The following MARCHF1 variants were observed in gnomAD, a reference collection of about 807,000 sequenced individuals.
The protein encoded by MARCHF1 is E3 ubiquitin-protein ligase MARCHF1.
In MARCHF1, 40 loss-of-function variants were observed where a neutral mutation model predicts 54.2. The observed-to-expected ratio is 0.74, with a 90% confidence interval of 0.57 to 0.96. The LOEUF (loss-of-function observed/expected upper bound fraction) is 0.96, where lower values mean the gene tolerates loss of function less well. Ranked by LOEUF, MARCHF1 falls within the 40% of genes least tolerant of loss-of-function variation. The probability of loss-of-function intolerance (pLI) is 0.00; values close to 1 mark genes in which losing one functional copy is unlikely to be tolerated. For missense variants in MARCHF1, 586 were observed against 656.5 expected (o/e 0.89, Z 1.17); for synonymous variants, 236 against 236.3 (o/e 1.00, Z 0.01).
chr4:164,053,316 C>T (rs567498218), intron 2 of MARCHF1, among the ~76,000 whole-genome samples: 2 of 152,110 alleles, frequency 1.3e-5, no homozygotes, highest in East Asian at 1.9e-4. Flanking sequence ...GCATTTTTGA[C>T]CTGTAATGTT....
chr4:163,665,995 A>C (rs1489972579), intron 5 of MARCHF1, among the ~76,000 whole-genome samples: 1 of 152,152 alleles, frequency 6.6e-6, no homozygotes, highest in Non-Finnish European at 1.5e-5. Context: ...TTCATGCCAC[A>C]TGCAGACGTG....
At chr4:164,057,959 A>G (rs1335140650) in intron 2 of MARCHF1, among the ~76,000 whole-genome samples, 1 of 152,134 alleles carries the variant, frequency 6.6e-6, no homozygotes, top group Non-Finnish European at 1.5e-5. Context: ...AGCATGAGTT[A>G]ATGTCCTTTA....
At chr4:163,675,152 G>C (rs1378598161) in intron 5 of MARCHF1, among the ~76,000 whole-genome samples, 1 of 152,074 alleles carries the variant, frequency 6.6e-6, no homozygotes, top group East Asian at 1.9e-4. Context: ...GCATTCTGAG[G>C]GAAATTGCAA....
At chr4:163,770,989 AT>A (rs1162925948) in intron 4 of MARCHF1, among the ~76,000 whole-genome samples, 1 of 152,216 alleles carries the variant, frequency 6.6e-6, no homozygotes, top group Admixed American at 6.5e-5. Flanking sequence ...CTACTTACAT[AT>A]TTTTAATTAA....
chr4:164,091,947 TA>T (rs922413404), intron 2 of MARCHF1, among the ~76,000 whole-genome samples: 4 of 151,236 alleles, frequency 2.6e-5, no homozygotes, highest in East Asian at 1.9e-4. Flanking sequence ...ATAATTAGGT[TA>T]AAAAAAATGA....
chr4:164,362,208 A>G (rs1324248567), intron 1 of MARCHF1, among the ~76,000 whole-genome samples: 3 of 152,148 alleles, frequency 2.0e-5, no homozygotes, highest in Non-Finnish European at 4.4e-5. Flanking sequence ...AAACCTACAG[A>G]CATTTGTGTG....
In MARCHF1 at chr4:163,612,849, G is replaced by T; in HGVS notation, c.432C>A (p.His144Gln). 6.5e-7 allele frequency: 1 copy of T among 1,535,208 alleles called. No individual in the cohort carries two copies. The highest frequency in any genetic ancestry group is 2.0e-5 in the Admixed American group (1 of 50,924). ...EQIRGRKNDF[H>Q]LQISSPRWRE... ...TCCACCTGGGGCTTGAGATTTGAAG[G>T]TGAAAGTCATTTTTTCTCCCTCTTA... The change falls in exon 7 of 10, where the codon CAC (histidine) becomes CAA (glutamine). Residue 144 changes from histidine to glutamine, a missense_variant. This residue lies in a region of MARCHF1 where 387 missense variants were observed against 394.6 expected (regional missense o/e 0.98). Coordinates refer to ENST00000514618, the MANE Select transcript of MARCHF1 (RefSeq NM_001394959.1).
intron 5 of MARCHF1, among the ~76,000 whole-genome samples, chr4:163,664,272 G>A (rs1007487861): frequency 2.0e-5 from 3 of 152,010 alleles, no homozygotes; most frequent in African/African-American, 4.8e-5. Context: ...AGATTGCTCA[G>A]TACATTCCCA....
chr4:164,073,393 A>G (rs957651519), intron 2 of MARCHF1, among the ~76,000 whole-genome samples: 12 of 152,162 alleles, frequency 7.9e-5, no homozygotes, highest in Admixed American at 7.9e-4. Context: ...AACTAACACA[A>G]GAAGAGAAAA....
At chr4:164,057,644 G>C (rs1202152051) in intron 2 of MARCHF1, among the ~76,000 whole-genome samples, 2 of 152,134 alleles carry the variant, frequency 1.3e-5, no homozygotes, top group African/African-American at 4.8e-5. Flanking sequence ...GGGTCAAGAG[G>C]TAACTTTGAA....
chr4:164,160,242 C>T (rs1730195111), intron 1 of MARCHF1, among the ~76,000 whole-genome samples: 2 of 152,094 alleles, frequency 1.3e-5, no homozygotes, highest in Non-Finnish European at 2.9e-5. Flanking sequence ...GAATATTAGA[C>T]TGCACTTCTG....
intron 1 of MARCHF1, among the ~76,000 whole-genome samples, chr4:164,325,599 T>C (rs6856375): frequency 0.37 from 55,453 of 151,598 alleles, 11,491 homozygotes; most frequent in Non-Finnish European, 0.48. Flanking sequence ...AGATTACAAA[T>C]ACAAATAAGA....
At chr4:163,844,476 C>T (rs1028988974) in intron 4 of MARCHF1, among the ~76,000 whole-genome samples, 36 of 151,860 alleles carry the variant, frequency 2.4e-4, no homozygotes, top group African/African-American at 8.7e-4. Context: ...CTTTTTGGGA[C>T]TTAGTTATAA....
In MARCHF1 at chr4:163,527,536, C is replaced by T. The variant is rs1738160283; in HGVS notation, c.*1212G>A. 1 of 152,002 alleles carries T rather than the reference C, an allele frequency of 6.6e-6. No individual in the cohort carries two copies. The highest frequency in any genetic ancestry group is 1.5e-5 in the Non-Finnish European group (1 of 67,946). 9.4% of individuals were successfully genotyped at this position (152,002 alleles called of 1,614,324 possible). On this transcript the variant is annotated 3_prime_UTR_variant, in exon 10 of 10. Coordinates refer to ENST00000514618, the MANE Select transcript of MARCHF1 (RefSeq NM_001394959.1). ...TAGGCAGATTGATTGTTTTATCTTTCTATACTTTTGGATTTTTACCCTTTA... is the reference window on the plus strand; with the variant it reads ...TAGGCAGATTGATTGTTTTATCTTTTTATACTTTTGGATTTTTACCCTTTA...
intron 2 of MARCHF1, among the ~76,000 whole-genome samples, chr4:164,047,619 T>G (rs1004103919): frequency 6.6e-6 from 1 of 152,188 alleles, no homozygotes; most frequent in African/African-American, 2.4e-5. Context: ...GTCTTCTCAT[T>G]TTTTTGTTTT....
intron 4 of MARCHF1, among the ~76,000 whole-genome samples, chr4:163,781,735 G>A (rs1397919133): frequency 6.6e-6 from 1 of 152,064 alleles, no homozygotes; most frequent in African/African-American, 2.4e-5. Context: ...GCAGGAGTAA[G>A]GAGAAAACAC....
At chr4:163,747,164 A>G in intron 4 of MARCHF1, among the ~76,000 whole-genome samples, 1 of 152,218 alleles carries the variant, frequency 6.6e-6, no homozygotes, top group Non-Finnish European at 1.5e-5. Flanking sequence ...CCGTACTACA[A>G]AGAAAATTGT....
intron 3 of MARCHF1, among the ~76,000 whole-genome samples, chr4:163,864,091 TCA>T (rs1485192634): frequency 6.6e-6 from 1 of 151,942 alleles, no homozygotes; most frequent in African/African-American, 2.4e-5. Flanking sequence ...ATTTCTCTGC[TCA>T]AAAGTGGAGG....
intron 2 of MARCHF1, among the ~76,000 whole-genome samples, chr4:164,075,537 G>A (rs1324092275): frequency 1.3e-5 from 2 of 152,170 alleles, no homozygotes; most frequent in African/African-American, 4.8e-5. Context: ...ATCCTCACCT[G>A]ACATCAGACA....
Sources: allele counts gnomAD v4.1 joint callset (sites outside exome capture counted in the v4.1 genomes callset), GRCh38; gene constraint gnomAD v4.1.1; regional missense constraint gnomAD v4.1.1; transcripts MANE v1.5; gene names NCBI Gene and HGNC (gene_info 2026-07-23, HGNC 2026-07-21).